NCAPD3: variants seen among roughly 807,000 people sequenced by gnomAD.
The protein encoded by NCAPD3 is non-SMC condensin II complex subunit D3.
In NCAPD3, 105 loss-of-function variants were observed where a neutral mutation model predicts 182.9. The observed-to-expected ratio is 0.57, with a 90% CI of 0.49 to 0.68. The LOEUF (loss-of-function observed/expected upper bound fraction) is 0.68, where lower values mean the gene tolerates loss of function less well. NCAPD3 is among the 30% of genes least tolerant of loss of function. The probability of loss-of-function intolerance (pLI) is 0.00; values close to 1 mark genes in which losing one functional copy is unlikely to be tolerated. For missense variants in NCAPD3, 1,944 were observed against 1,837.0 expected, an observed-to-expected ratio of 1.06 and a Z score of -1.07; for synonymous variants, 815 against 679.9, an observed-to-expected ratio of 1.20 and a Z score of -3.09.
chr11:134,184,913 G>A lies in NCAPD3; in HGVS notation c.2325C>T (p.Asp775=). Residue 775 remains aspartate (D), a synonymous_variant, in exon 18 of 35, where the codon GAC becomes GAT. Transcript: ENST00000534548. ...CCAGCAGACACTCACCAGTCACTTT[G>A]TCCCGGGTGCTCTTAGGAAGATGCT... ...IAKHLPKSTR[D]KVTDAVKCKL... 1 of 1,610,858 alleles carries A rather than the reference G, an allele frequency of 6.2e-7. No individual in the cohort carries two copies. The highest frequency in any genetic ancestry group is 8.5e-7 in the Non-Finnish European group (1 of 1,177,264).
At chr11:134,166,738 G>A in intron 27 of NCAPD3, among the ~76,000 whole-genome samples, 3 of 125,786 alleles carry the variant, frequency 2.4e-5, no homozygotes, top group African/African-American at 6.4e-5. Flanking sequence ...CTTGTGAGAT[G>A]AGCTTGGGGG....
rs1432756901 is a variant in NCAPD3 at position 134,157,241 on chromosome 11, A to G, written c.4175-146T>C. On this transcript the variant is annotated intron_variant, in intron 31 of 34. Transcript: ENST00000534548. ...TCTTATAAAGAGGCAATTCAGGAAG[A>G]AATACAAATAAATGATAAACATGAG... is the stretch of plus-strand genomic sequence containing the variant. The G allele has an allele frequency of 4.2e-5, 24 of 566,942 alleles. No homozygotes were observed. The East Asian group carries it at 6.9e-4, about 16-fold the overall frequency. The allele number at this position is 566,942 out of a possible 1,614,324, so 35.1% of individuals were successfully genotyped here.
intron 13 of NCAPD3, among the ~76,000 whole-genome samples, chr11:134,195,705 G>C (rs1265477890): frequency 6.6e-6 from 1 of 151,852 alleles, no homozygotes; most frequent in Non-Finnish European, 1.5e-5. Context: ...AACACACCAA[G>C]ACCCGATTTT....
chr11:134,203,006 A>G (rs1944781180), intron 12 of NCAPD3, 101 bp from the exon 13 acceptor site: 5 of 1,190,274 alleles, frequency 4.2e-6, no homozygotes, highest in African/African-American at 3.1e-5. Context: ...TTATTACTGA[A>G]ATGAATTTCA....
chr11:134,167,067 TG>T (rs1189155175), intron 27 of NCAPD3, among the ~76,000 whole-genome samples: 1 of 85,022 alleles, frequency 1.2e-5, no homozygotes, highest in African/African-American at 6.0e-5. Flanking sequence ...GAGATGAGCT[TG>T]GGGGAGCTGC....
At chr11:134,170,197 T>TA (rs1943973747) in intron 24 of NCAPD3, among the ~76,000 whole-genome samples, 1 of 152,216 alleles carries the variant, frequency 6.6e-6, no homozygotes, top group Non-Finnish European at 1.5e-5. Flanking sequence ...ACCTAGGAAA[T>TA]ACGGGAGCAG....
In NCAPD3 at chr11:134,152,627, A is replaced by C; in HGVS notation, c.*317T>G. The C allele has an allele frequency of 4.3e-6, 1 of 231,350 alleles. No individual in the cohort carries two copies. The highest frequency in any genetic ancestry group is 8.3e-6 in the Non-Finnish European group (1 of 120,872). The allele number at this position is 231,350 out of a possible 1,614,324, so 14.3% of individuals were successfully genotyped here. On this transcript the variant is annotated 3_prime_UTR_variant, in exon 35 of 35. Transcript: ENST00000534548. The stretch of plus-strand genomic sequence containing the variant: ...TATATAAAAGAAAGCTGCAGTTTTA[A>C]AGTTGTGTTCCTTAAAGACCAGATT...
chr11:134,168,648 G>GA (rs752551514), intron 25 of NCAPD3, 46 bp from the exon 26 acceptor site: 1 of 1,610,788 alleles, frequency 6.2e-7, no homozygotes, highest in South Asian at 1.1e-5. Flanking sequence ...GGGCACGGGT[G>GA]TAAGGGATTT....
intron 16 of NCAPD3, among the ~76,000 whole-genome samples, chr11:134,191,011 T>A (rs950627142): frequency 6.6e-6 from 1 of 152,238 alleles, no homozygotes; most frequent in Non-Finnish European, 1.5e-5. Context: ...TCCTAGTTAT[T>A]CCTCTACTTC....
At chr11:134,205,031 C>A in intron 8 of NCAPD3, 60 bp from the exon 9 acceptor site, 1 of 1,253,610 alleles carries the variant, frequency 8.0e-7, no homozygotes, top group South Asian at 1.2e-5. Context: ...TCCCCAAAAA[C>A]CACTACTCCT....
In NCAPD3 at chr11:134,158,501, AG is replaced by A; in HGVS notation, c.3868-7del. 1 of 1,612,126 alleles carries A rather than the reference AG, an allele frequency of 6.2e-7. No individual in the cohort carries two copies. The highest frequency in any genetic ancestry group is 1.1e-5 in the South Asian group (1 of 91,060). The stretch of plus-strand genomic sequence containing the variant: ...GTTTCTAAACACAGGGCAACCTGGT[AG>A]AGAAGATAAAGAGTATGTACATTCT... On this transcript the variant is annotated splice_region_variant and splice_polypyrimidine_tract_variant and intron_variant, in intron 29 of 34. Coordinates refer to ENST00000534548, the MANE Select transcript of NCAPD3 (RefSeq NM_015261.3).
In NCAPD3 at chr11:134,157,508, A is replaced by T. The variant is rs143650959; in HGVS notation, c.4175-413T>A. 6.1e-3 allele frequency among the ~76,000 whole-genome samples: 937 copies of T among 152,362 alleles called. 13 individuals carry two copies. The highest frequency in any genetic ancestry group is 0.02 in the African/African-American group (833 of 41,574). On this transcript the variant is annotated intron_variant, in intron 31 of 34. Coordinates refer to ENST00000534548, the MANE Select transcript of NCAPD3 (RefSeq NM_015261.3). ...AGAACAGGATAGTAATAAATCAGTT[A>T]TTTCCACAGCCACAATGCTATAAAG...
chr11:134,170,918 G>A (rs765031530), intron 24 of NCAPD3, among the ~76,000 whole-genome samples: 2 of 152,206 alleles, frequency 1.3e-5, no homozygotes, highest in Non-Finnish European at 2.9e-5. Context: ...GCAAGTTTCA[G>A]CCTTGATTAG....
chr11:134,224,013 C>A (rs535390788), upstream of NCAPD3: 3 of 1,500,392 alleles, frequency 2.0e-6, no homozygotes, highest in East Asian at 7.2e-5. Flanking sequence ...GTGGACCAAT[C>A]ACAACGTACA....
At chr11:134,185,199 T>A (rs1484406068) in intron 17 of NCAPD3, 136 bp downstream of exon 17, 1 of 927,380 alleles carries the variant, frequency 1.1e-6, no homozygotes. Flanking sequence ...ATTTTTTTCA[T>A]GCTTGTTTTT....
chr11:134,181,148 T>C lies in NCAPD3; in HGVS notation c.2488A>G (p.Thr830Ala), dbSNP rs775591129. Residue 830 changes from threonine to alanine, a missense_variant, in exon 20 of 35, where the codon ACC becomes GCC. Thr to Ala is a moderately conservative substitution (Grantham distance 58). This residue lies in a region of NCAPD3 where 1,803 missense variants were observed against 1,674.6 expected (regional missense o/e 1.08). Transcript: ENST00000534548. ...ATGTTGGAGAGGCGGTGCTCGCAGG[T>C]GGAGAGTACATCCCCACACACCTGC... is the stretch of plus-strand genomic sequence containing the variant. ...LTQVCGDVLSTCEHRLSNIVL... is the reference protein window; with the variant it reads ...LTQVCGDVLSACEHRLSNIVL... 21 of 1,613,978 alleles carry C rather than the reference T, an allele frequency of 1.3e-5. No homozygotes were observed. Among genetic ancestry groups the C allele is most frequent in the Non-Finnish European group, 1.6e-5 (19 of 1,180,014 alleles).
chr11:134,185,229 A>C (rs1340731752), intron 17 of NCAPD3, 106 bp downstream of exon 17: 1 of 1,044,068 alleles, frequency 9.6e-7, no homozygotes, highest in African/African-American at 1.6e-5. Flanking sequence ...TTTAAACAGA[A>C]GGTCTCTGTA....
chr11:134,209,105 CTATACT>C (rs1937728568), intron 6 of NCAPD3, 34 bp downstream of exon 6: 1 of 1,593,114 alleles, frequency 6.3e-7, no homozygotes, highest in African/African-American at 1.3e-5. Flanking sequence ...AATTGGTACA[CTATACT>C]TAAATTGTAG....
intron 28 of NCAPD3, among the ~76,000 whole-genome samples, chr11:134,161,275 A>C (rs557626717): frequency 4.9e-4 from 75 of 152,296 alleles, no homozygotes; most frequent in African/African-American, 1.6e-3. Flanking sequence ...AAGTCAACAC[A>C]TCCTGGGTTT....
Sources: allele counts gnomAD v4.1 joint callset (sites outside exome capture counted in the v4.1 genomes callset), GRCh38; gene constraint gnomAD v4.1.1; regional missense constraint gnomAD v4.1.1; transcripts MANE v1.5; gene names NCBI Gene and HGNC (gene_info 2026-07-23, HGNC 2026-07-21).